TBC1D32: variants seen among roughly 807,000 people sequenced by gnomAD.
TBC1D32 encodes TBC1 domain family member 32, also known as protein broad-minded.
Under a neutral mutation model 170.3 loss-of-function variants are expected in TBC1D32, and 151 were observed. The observed-to-expected ratio is 0.89, with a 90% confidence interval of 0.78 to 1.01. The LOEUF is 1.01. Among genes scored for constraint, TBC1D32 ranks in the 50% least tolerant of loss-of-function variants. The pLI, the probability that TBC1D32 is intolerant of heterozygous loss-of-function variation, is 0.00. For missense variants in TBC1D32, 1,464 were observed against 1,457.1 expected, an observed-to-expected ratio of 1.00 and a Z score of -0.08; for synonymous variants, 498 against 488.0, an observed-to-expected ratio of 1.02 and a Z score of -0.27.
At chr6:121,252,862 G>A (rs917412666) in intron 17 of TBC1D32, among the ~76,000 whole-genome samples, 3 of 151,994 alleles carry the variant, frequency 2.0e-5, no homozygotes, top group African/African-American at 7.2e-5. Context: ...ATTGGGGAAA[G>A]GACATTATTT....
intron 10 of TBC1D32, among the ~76,000 whole-genome samples, chr6:121,296,478 C>T (rs1364988757): frequency 1.3e-5 from 2 of 152,084 alleles, no homozygotes; most frequent in Admixed American, 1.3e-4. Flanking sequence ...AAATCATTAT[C>T]TTTTCCAGCA....
intron 15 of TBC1D32, among the ~76,000 whole-genome samples, chr6:121,268,876 T>C (rs1242985906): frequency 2.0e-5 from 3 of 152,254 alleles, no homozygotes; most frequent in East Asian, 3.9e-4. Context: ...GGTCGGGTTA[T>C]TCACAAAGAG....
In TBC1D32 at chr6:121,184,010, T is replaced by C. The variant is rs1462543177; in HGVS notation, c.2570+21065A>G. Among the ~76,000 whole-genome samples the C allele has an allele frequency of 3.3e-5, 5 of 152,178 alleles. No individual in the cohort carries two copies. In the East Asian group the frequency reaches 9.7e-4, roughly 29 times the overall value. ...TAGGTTTCCTTAAGCTTTACAATAG[T>C]GTATCTGTTCATTACATGTAACAAA... is the stretch of plus-strand genomic sequence containing the variant. On this transcript the variant is annotated intron_variant, in intron 22 of 31. Coordinates refer to ENST00000398212, the MANE Select transcript of TBC1D32 (RefSeq NM_152730.6).
At chr6:121,236,978 C>T (rs1796408394) in intron 20 of TBC1D32, 1 of 152,044 alleles carries the variant, frequency 6.6e-6, no homozygotes, top group Non-Finnish European at 1.5e-5. Context: ...TACCTATTTG[C>T]AATTCCCTGT....
At chr6:121,179,268 G>A (rs1324049150) in intron 22 of TBC1D32, among the ~76,000 whole-genome samples, 1 of 149,370 alleles carries the variant, frequency 6.7e-6, no homozygotes, top group Non-Finnish European at 1.5e-5. Flanking sequence ...TATATATGAA[G>A]ACAAAAACAT....
intron 1 of TBC1D32, among the ~76,000 whole-genome samples, chr6:121,332,496 C>A (rs1811348784): frequency 6.6e-6 from 1 of 151,976 alleles, no homozygotes; most frequent in Admixed American, 6.6e-5. Context: ...AAAAAGATAA[C>A]AGGATATTCA....
intron 20 of TBC1D32, among the ~76,000 whole-genome samples, chr6:121,235,966 AT>A (rs1432850101): frequency 6.6e-6 from 1 of 152,136 alleles, no homozygotes; most frequent in Non-Finnish European, 1.5e-5. Flanking sequence ...GAAAATCTGT[AT>A]TTTAATTAGA....
intron 26 of TBC1D32, among the ~76,000 whole-genome samples, chr6:121,124,360 T>G (rs1228016202): frequency 6.6e-6 from 1 of 152,090 alleles, no homozygotes; most frequent in African/African-American, 2.4e-5. Context: ...GAGTATATTG[T>G]CCTACTCATT....
chr6:121,187,572 C>A (rs1258330206), intron 22 of TBC1D32, among the ~76,000 whole-genome samples: 1 of 151,954 alleles, frequency 6.6e-6, no homozygotes, highest in Non-Finnish European at 1.5e-5. Context: ...CCAACCCATT[C>A]CCACCTTGAA....
intron 22 of TBC1D32, among the ~76,000 whole-genome samples, chr6:121,189,465 T>C (rs6901598): frequency 0.73 from 109,813 of 150,074 alleles, 43,245 homozygotes; most frequent in Non-Finnish European, 0.89. Flanking sequence ...TTATAGTTAA[T>C]ATTAATGTTC....
chr6:121,334,196 T>C, intron 1 of TBC1D32, 80 bp downstream of exon 1: 1 of 1,185,524 alleles, frequency 8.4e-7, no homozygotes, highest in East Asian at 2.5e-5. Flanking sequence ...AAACAATAAA[T>C]AAATTAACAC....
intron 10 of TBC1D32, among the ~76,000 whole-genome samples, chr6:121,296,186 T>C (rs1183256409): frequency 6.6e-6 from 1 of 152,204 alleles, no homozygotes; most frequent in African/African-American, 2.4e-5. Flanking sequence ...AAAAAGACTC[T>C]TGGAAGCTTA....
At chr6:121,186,100 T>C (rs1789175412) in intron 22 of TBC1D32, among the ~76,000 whole-genome samples, 2 of 152,152 alleles carry the variant, frequency 1.3e-5, no homozygotes, top group South Asian at 4.1e-4. Context: ...AGAAAGTTGA[T>C]GGTTTAGAGA....
intron 10 of TBC1D32, among the ~76,000 whole-genome samples, chr6:121,295,657 C>T (rs1805514899): frequency 2.0e-5 from 3 of 151,338 alleles, no homozygotes; most frequent in African/African-American, 7.3e-5. Flanking sequence ...AAAAAAAATA[C>T]ACAAGAGGAA....
At chr6:121,172,339 G>C (rs1787138164) in intron 22 of TBC1D32, among the ~76,000 whole-genome samples, 1 of 152,142 alleles carries the variant, frequency 6.6e-6, no homozygotes, top group Non-Finnish European at 1.5e-5. Flanking sequence ...TGGCTGGGGT[G>C]ACTGACCTGG....
chr6:121,114,551 T>C (rs966077165), intron 27 of TBC1D32, among the ~76,000 whole-genome samples: 5 of 152,142 alleles, frequency 3.3e-5, no homozygotes, highest in African/African-American at 1.2e-4. Flanking sequence ...ATCACTTTCA[T>C]CATGCTGTGA....
chr6:121,281,704 T>C lies in TBC1D32; in HGVS notation c.1466-18A>G, dbSNP rs759079742. 1 of 1,548,900 alleles carries C rather than the reference T, an allele frequency of 6.5e-7. No homozygotes were observed. Among genetic ancestry groups the C allele is most frequent in the Non-Finnish European group, 8.7e-7 (1 of 1,144,680 alleles). On this transcript the variant is annotated intron_variant, in intron 13 of 31. Transcript: ENST00000398212. Reference sequence around the variant, plus strand: ...GTAATTCTCTAATAAACAATAAATATTTTTTAATACCAAAACATTAAATAC... The same window carrying C: ...GTAATTCTCTAATAAACAATAAATACTTTTTAATACCAAAACATTAAATAC...
At chr6:121,265,973 G>A (rs1005385232) in intron 15 of TBC1D32, among the ~76,000 whole-genome samples, 2 of 152,002 alleles carry the variant, frequency 1.3e-5, no homozygotes, top group Non-Finnish European at 2.9e-5. Flanking sequence ...TAAAACCACA[G>A]AAGAAAACCT....
chr6:121,196,453 C>A (rs1047765691), intron 22 of TBC1D32, among the ~76,000 whole-genome samples: 18 of 152,206 alleles, frequency 1.2e-4, no homozygotes, highest in African/African-American at 4.3e-4. Flanking sequence ...ATGGAAAGGG[C>A]AGAGGTTTGT....
Sources: gnomAD v4.1 joint callset for allele counts (sites outside exome capture counted in the v4.1 genomes callset) on GRCh38, gnomAD v4.1.1 for gene constraint, MANE v1.5 for transcripts, NCBI Gene and HGNC (gene_info 2026-07-23, HGNC 2026-07-21) for gene names.